The following ABCA12 variants were observed in gnomAD, a reference collection of about 807,000 sequenced individuals.
ABCA12 encodes the protein ATP binding cassette subfamily A member 12.
In ABCA12, 156 loss-of-function variants were observed where a neutral mutation model predicts 293.5. The ratio of observed to expected loss-of-function variants is 0.53; its 90% CI spans 0.47 to 0.61. The LOEUF (loss-of-function observed/expected upper bound fraction) is 0.61. Ranked by LOEUF, ABCA12 falls within the 20% of genes least tolerant of loss-of-function variation. ABCA12 has a pLI of 0.00. For synonymous variants in ABCA12, 1,063 were observed against 1,108.0 expected (o/e 0.96, Z 0.81); for missense variants, 2,797 against 3,090.2 (o/e 0.91, Z 2.25).
intron 44 of ABCA12, 100 bp downstream of exon 44, chr2:214,953,754 C>T (rs1427370799): frequency 6.9e-7 from 1 of 1,448,450 alleles, no homozygotes. Context: ...CAAACATTTC[C>T]ATATTACCAA....
In ABCA12 at chr2:214,945,079, G is replaced by A. The variant is rs765289715; in HGVS notation, c.7265C>T (p.Pro2422Leu). Residue 2422 changes from proline to leucine, a missense_variant, in exon 49 of 53, where the codon CCG (proline) becomes CTG (leucine). Around this residue, in one of 3 missense-constraint regions of ABCA12, gnomAD observed 2,130 missense variants for 2,427.0 expected, o/e 0.88. Transcript: ENST00000272895. ...LLDEPSSGMD[P>L]KSKRHLWKII... ...CTTCCAGAGGTGCCGTTTCGACTTC[G>A]GATCCATGCCAGAGCTCGGCTCATC... The A allele has an allele frequency of 1.5e-5, 24 of 1,613,240 alleles. No individual in the cohort carries two copies. The highest frequency in any genetic ancestry group is 5.5e-5 in the South Asian group (5 of 91,010).
chr2:215,031,711 T>C (rs1414781623), intron 9 of ABCA12, 110 bp downstream of exon 9: 2 of 1,377,756 alleles, frequency 1.5e-6, no homozygotes, highest in African/African-American at 2.8e-5. Context: ...CAATAGTTGA[T>C]TTTTCTATTC....
In ABCA12 at chr2:214,970,294, G is replaced by T; in HGVS notation, c.5669C>A (p.Ala1890Glu). ...TTACCTTTTTTGGACAAACTCATTT[G>T]CAGTTGATATAAGATAATTTTCCAC... is the stretch of plus-strand genomic sequence containing the variant. The part of the protein sequence containing the change: ...QRVENYLIST[A>E]NEFVQKRYGG... Residue 1890 changes from alanine (A) to glutamate (E), a missense_variant, in exon 37 of 53, where the codon GCA becomes GAA. Coordinates refer to ENST00000272895, the MANE Select transcript of ABCA12 (RefSeq NM_173076.3). 2 of 1,612,488 alleles carry T rather than the reference G, an allele frequency of 1.2e-6. No individual in the cohort carries two copies. Among genetic ancestry groups the T allele is most frequent in the South Asian group, 1.1e-5 (1 of 90,890 alleles).
rs143523175 is a variant in ABCA12 at position 214,977,918 on chromosome 2, C to G, written c.5128+398G>C. On this transcript the variant is annotated intron_variant, in intron 33 of 52. Coordinates refer to ENST00000272895, the MANE Select transcript of ABCA12 (RefSeq NM_173076.3). ...TTCCTTTTTTTTATGACTATTGTCTCTACTTCAACATGTCTAATAACAAGG... is the reference window on the plus strand; with the variant it reads ...TTCCTTTTTTTTATGACTATTGTCTGTACTTCAACATGTCTAATAACAAGG... Among the ~76,000 whole-genome samples, 295 of 139,172 alleles carry G rather than the reference C, an allele frequency of 2.1e-3. 1 individual carries two copies. Among genetic ancestry groups the G allele is most frequent in the African/African-American group, 7.6e-3 (286 of 37,640 alleles). 91.3% of individuals were successfully genotyped at this position (139,172 alleles called of 152,430 possible).
chr2:215,026,392 C>CA (rs762296914), intron 10 of ABCA12, among the ~76,000 whole-genome samples: 1 of 152,134 alleles, frequency 6.6e-6, no homozygotes, highest in African/African-American at 2.4e-5. Flanking sequence ...TAGTCTGCCA[C>CA]AAAAATGCCT....
At chr2:214,958,676 A>G (rs1389310225) in intron 40 of ABCA12, among the ~76,000 whole-genome samples, 1 of 152,184 alleles carries the variant, frequency 6.6e-6, no homozygotes, top group Non-Finnish European at 1.5e-5. Context: ...GGGATATTTG[A>G]TAGAAAAACC....
chr2:215,046,688 A>T (rs1407646769), intron 6 of ABCA12, among the ~76,000 whole-genome samples: 2 of 151,918 alleles, frequency 1.3e-5, no homozygotes, highest in Non-Finnish European at 2.9e-5. Flanking sequence ...GGGGATTATT[A>T]TAACTGTATT....
intron 2 of ABCA12, among the ~76,000 whole-genome samples, chr2:215,110,435 C>T (rs1250156520): frequency 6.6e-6 from 1 of 152,172 alleles, no homozygotes; most frequent in Non-Finnish European, 1.5e-5. Flanking sequence ...GGTGTGAACC[C>T]AGGAGGCAGA....
intron 39 of ABCA12, chr2:214,962,277 G>A (rs1699135337): frequency 6.6e-6 from 1 of 152,172 alleles, no homozygotes; most frequent in Non-Finnish European, 1.5e-5. Context: ...GCTGAGTCCA[G>A]AGGAGCAGTG....
intron 6 of ABCA12, among the ~76,000 whole-genome samples, chr2:215,048,204 A>T (rs1701241371): frequency 6.6e-6 from 1 of 152,158 alleles, no homozygotes; most frequent in Non-Finnish European, 1.5e-5. Flanking sequence ...GGGAACACTT[A>T]AACACTGTTA....
At chr2:215,050,836 A>G in intron 5 of ABCA12, 1 of 985,298 alleles carries the variant, frequency 1.0e-6, no homozygotes, top group Non-Finnish European at 1.2e-6. Flanking sequence ...TGTTGCAGAA[A>G]GCAGTAAAGA....
intron 2 of ABCA12, chr2:215,080,804 G>A (rs1326339307): frequency 2.6e-5 from 4 of 153,018 alleles, no homozygotes; most frequent in Non-Finnish European, 2.9e-5. Context: ...GGTATCTTAA[G>A]TGCTGTATTC....
chr2:214,970,935 T>C (rs1034090344), intron 36 of ABCA12, among the ~76,000 whole-genome samples: 1 of 152,100 alleles, frequency 6.6e-6, no homozygotes, highest in Admixed American at 6.6e-5. Flanking sequence ...TAGTTTGATA[T>C]ACATAAACTT....
Position 214,932,723 on chromosome 2 carries a change from T to C in ABCA12, c.7699A>G (p.Lys2567Glu), listed in dbSNP as rs374201823. 2.5e-5 allele frequency: 40 copies of C among 1,613,436 alleles called. No homozygotes were observed. The highest frequency in any genetic ancestry group is 3.2e-5 in the Non-Finnish European group (38 of 1,179,680). ...GCAGTTTCATAGGACTTCTGGTCTTTGGCAAAGTTGATGAAAACCTGATTT... is the reference window on the plus strand; with the variant it reads ...GCAGTTTCATAGGACTTCTGGTCTTCGGCAAAGTTGATGAAAACCTGATTT... ...TLEEVFINFA[K>E]DQKSYETADT... The change falls in exon 53 of 53, where the codon AAA (lysine) becomes GAA (glutamate). Residue 2567 changes from lysine (K) to glutamate (E), a missense_variant. Around this residue, in one of 3 missense-constraint regions of ABCA12, gnomAD observed 2,130 missense variants for 2,427.0 expected, o/e 0.88. Coordinates refer to ENST00000272895, the MANE Select transcript of ABCA12 (RefSeq NM_173076.3).
rs550911171 is a variant in ABCA12 at position 215,097,207 on chromosome 2, A to C, written c.163+14390T>G. On this transcript the variant is annotated intron_variant, in intron 2 of 52. Transcript: ENST00000272895. ...TTGTTCATTCTCTTCCTTTCCTTAC[A>C]AAACTCCCCACTCTTCTCCATGCAA... Among the ~76,000 whole-genome samples, 175 of 152,220 alleles carry C rather than the reference A, an allele frequency of 1.1e-3. 1 individual carries two copies. Among genetic ancestry groups the C allele is most frequent in the South Asian group, 3.9e-3 (19 of 4,824 alleles).
chr2:215,133,841 G>C (rs1430853697), intron 1 of ABCA12, among the ~76,000 whole-genome samples: 1 of 152,014 alleles, frequency 6.6e-6, no homozygotes, highest in African/African-American at 2.4e-5. Context: ...GTGTTAAGTG[G>C]GATCAGAGAA....
chr2:214,944,390 TGACA>T (rs1022354255), intron 49 of ABCA12, among the ~76,000 whole-genome samples: 7 of 151,460 alleles, frequency 4.6e-5, no homozygotes, highest in African/African-American at 1.7e-4. Context: ...CCAGCCTGGG[TGACA>T]GAGTAAGACT....
chr2:215,042,781 T>C (rs1701125343), intron 7 of ABCA12, among the ~76,000 whole-genome samples: 1 of 152,194 alleles, frequency 6.6e-6, no homozygotes, highest in Non-Finnish European at 1.5e-5. Flanking sequence ...TACTGTGCAA[T>C]AGAACAGTAA....
chr2:215,105,578 GACAC>G (rs747604210), intron 2 of ABCA12, among the ~76,000 whole-genome samples: 11 of 142,712 alleles, frequency 7.7e-5, no homozygotes, highest in Admixed American at 1.4e-4. Context: ...AGGGCTTCAA[GACAC>G]ACACACACAC....
Sources: gnomAD v4.1 joint callset for allele counts (sites outside exome capture counted in the v4.1 genomes callset) on GRCh38, gnomAD v4.1.1 for gene constraint, gnomAD v4.1.1 regional missense constraint, MANE v1.5 for transcripts, NCBI Gene and HGNC (gene_info 2026-07-23, HGNC 2026-07-21) for gene names.